Variants in TMEM178B observed in about 807,000 individuals in gnomAD.
TMEM178B encodes the protein transmembrane protein 178B.
A neutral mutation model predicts 31.0 loss-of-function variants in TMEM178B; 5 were observed. The observed-to-expected ratio is 0.16, with a 90% CI of 0.08 to 0.34. The LOEUF (loss-of-function observed/expected upper bound fraction) is 0.34. Ranked by LOEUF, TMEM178B falls within the 10% of genes least tolerant of loss-of-function variation. The pLI, the probability that TMEM178B is intolerant of heterozygous loss-of-function variation, is 1.00. For synonymous variants in TMEM178B, 164 were observed against 164.0 expected (o/e 1.00, Z 0.00); for missense variants, 275 against 400.3 (o/e 0.69, Z 2.67).
chr7:141,139,981 G>C (rs545799551), intron 1 of TMEM178B, among the ~76,000 whole-genome samples: 1 of 152,244 alleles, frequency 6.6e-6, no homozygotes, highest in East Asian at 1.9e-4. Context: ...GGCCAGGCTG[G>C]TCTTGAACTC....
At chr7:141,219,436 G>C (rs934447445) in intron 2 of TMEM178B, among the ~76,000 whole-genome samples, 2 of 152,082 alleles carry the variant, frequency 1.3e-5, no homozygotes, top group Non-Finnish European at 2.9e-5. Context: ...TACTGTTTGC[G>C]ATCTGTTGTT....
At chr7:141,141,957 G>A (rs1331043233) in intron 1 of TMEM178B, among the ~76,000 whole-genome samples, 1 of 152,078 alleles carries the variant, frequency 6.6e-6, no homozygotes, top group African/African-American at 2.4e-5. Flanking sequence ...AGATTCAGGG[G>A]GTACATGTAC....
At chr7:141,191,916 A>G (rs1796703000) in intron 1 of TMEM178B, among the ~76,000 whole-genome samples, 1 of 152,198 alleles carries the variant, frequency 6.6e-6, no homozygotes, top group Non-Finnish European at 1.5e-5. Context: ...GGGCTATAAA[A>G]AGGTTTTAAT....
intron 2 of TMEM178B, among the ~76,000 whole-genome samples, chr7:141,282,614 T>C (rs572274843): frequency 3.3e-5 from 5 of 152,180 alleles, no homozygotes; most frequent in Admixed American, 1.3e-4. Context: ...TTTTACGGAG[T>C]CCAAATGGTA....
intron 2 of TMEM178B, among the ~76,000 whole-genome samples, chr7:141,329,548 A>G (rs553384615): frequency 5.9e-5 from 9 of 152,336 alleles, no homozygotes; most frequent in African/African-American, 2.2e-4. Flanking sequence ...TGTCATTGCA[A>G]CATATTCAGG....
intron 2 of TMEM178B, among the ~76,000 whole-genome samples, chr7:141,328,032 T>C (rs1799224750): frequency 6.6e-6 from 1 of 152,134 alleles, no homozygotes; most frequent in Non-Finnish European, 1.5e-5. Context: ...AGTGGAGCAG[T>C]GAATCTTTCA....
chr7:141,093,802 C>T (rs1794916078), intron 1 of TMEM178B, among the ~76,000 whole-genome samples: 1 of 152,154 alleles, frequency 6.6e-6, no homozygotes, highest in Non-Finnish European at 1.5e-5. Context: ...GAAGTGCTGT[C>T]AATGGGTCAA....
rs1407929897 is a variant in TMEM178B at position 141,475,092 on chromosome 7, A to T, written c.*4306A>T. The T allele has an allele frequency of 6.6e-6, 1 of 152,242 alleles. No individual in the cohort carries two copies. The highest frequency in any genetic ancestry group is 1.5e-5 in the Non-Finnish European group (1 of 68,062). The allele number at this position is 152,242 out of a possible 1,614,324, so 9.4% of individuals were successfully genotyped here. ...CCAGGGGACACATCCATCCCAGGGG[A>T]CACAGCCAGCCCTTTCCAGGGAAAT... On this transcript the variant is annotated 3_prime_UTR_variant, in exon 4 of 4. Coordinates refer to ENST00000565468, the MANE Select transcript of TMEM178B (RefSeq NM_001195278.2).
intron 2 of TMEM178B, among the ~76,000 whole-genome samples, chr7:141,237,173 C>A (rs1797540649): frequency 6.6e-6 from 1 of 152,188 alleles, no homozygotes; most frequent in Non-Finnish European, 1.5e-5. Context: ...CAAATTGATA[C>A]AACCTTACTT....
At chr7:141,173,951 T>A (rs1796386325) in intron 1 of TMEM178B, among the ~76,000 whole-genome samples, 1 of 152,140 alleles carries the variant, frequency 6.6e-6, no homozygotes. Context: ...AAGTCCTCCA[T>A]CACAAAAACA....
In TMEM178B at chr7:141,346,360, A is replaced by G. The variant is rs2116520544; in HGVS notation, c.497-91248A>G. On this transcript the variant is annotated intron_variant, in intron 2 of 3. Coordinates refer to ENST00000565468, the MANE Select transcript of TMEM178B (RefSeq NM_001195278.2). ...AATAAAGACCTAGGTGTAATTTTGG[A>G]CTATTTTCAACAACTTTTACTTCAA... Among the ~76,000 whole-genome samples, 3 of 152,304 alleles carry G rather than the reference A, an allele frequency of 2.0e-5. 1 individual carries two copies. In the Middle Eastern group the frequency reaches 0.01, roughly 518 times the overall value.
intron 1 of TMEM178B, among the ~76,000 whole-genome samples, chr7:141,194,521 G>A (rs1796750458): frequency 6.6e-6 from 1 of 152,192 alleles, no homozygotes; most frequent in African/African-American, 2.4e-5. Flanking sequence ...CTAGAGGTGG[G>A]TTCCCATGGA....
At chr7:141,364,274 G>A (rs916222840) in intron 2 of TMEM178B, among the ~76,000 whole-genome samples, 10 of 152,138 alleles carry the variant, frequency 6.6e-5, no homozygotes, top group Admixed American at 5.2e-4. Context: ...AGTTCAGTTA[G>A]AGATGCGTTC....
rs552580816 is a variant in TMEM178B, at chr7:141,176,352, C to T, written c.383-36239C>T. ...AAGCTTTCTGATGTGCTGTTGGATT[C>T]GGTTTGCCAGTATTTTATTGAGGAT... is the stretch of plus-strand genomic sequence containing the variant. On this transcript the variant is annotated intron_variant, in intron 1 of 3. Coordinates refer to ENST00000565468, the MANE Select transcript of TMEM178B (RefSeq NM_001195278.2). Among the ~76,000 whole-genome samples the T allele has an allele frequency of 6.6e-5, 10 of 152,252 alleles. No homozygotes were observed. The East Asian group carries it at 7.7e-4, about 12-fold the overall frequency.
At chr7:141,244,624 C>T (rs757332774) in intron 2 of TMEM178B, among the ~76,000 whole-genome samples, 3 of 152,130 alleles carry the variant, frequency 2.0e-5, no homozygotes, top group South Asian at 2.1e-4. Flanking sequence ...GTTTGAAGCA[C>T]GTAGAGTCTG....
intron 1 of TMEM178B, among the ~76,000 whole-genome samples, chr7:141,176,927 G>C (rs1300765812): frequency 2.0e-5 from 3 of 151,872 alleles, no homozygotes; most frequent in Non-Finnish European, 4.4e-5. Flanking sequence ...TTTTTTGAAG[G>C]GTTTTTTGTG....
chr7:141,353,792 A>G (rs1270444874), intron 2 of TMEM178B, among the ~76,000 whole-genome samples: 1 of 152,240 alleles, frequency 6.6e-6, no homozygotes, highest in Non-Finnish European at 1.5e-5. Context: ...TACTTAATAA[A>G]TATTAATGGA....
At chr7:141,224,027 C>T (rs1012296329) in intron 2 of TMEM178B, among the ~76,000 whole-genome samples, 3 of 152,094 alleles carry the variant, frequency 2.0e-5, no homozygotes, top group Admixed American at 6.5e-5. Flanking sequence ...ATCATGGGGG[C>T]GGTTTCCCCC....
At chr7:141,270,397 A>T (rs928851036) in intron 2 of TMEM178B, among the ~76,000 whole-genome samples, 1 of 152,040 alleles carries the variant, frequency 6.6e-6, no homozygotes, top group Non-Finnish European at 1.5e-5. Context: ...GGGTTCAAGC[A>T]ATTCTCCTGC....
Sources: allele counts gnomAD v4.1 joint callset (sites outside exome capture counted in the v4.1 genomes callset), GRCh38; gene constraint gnomAD v4.1.1; transcripts MANE v1.5; gene names NCBI Gene and HGNC (gene_info 2026-07-23, HGNC 2026-07-21).